Variants in THSD7B observed in about 807,000 individuals in gnomAD.
The protein encoded by THSD7B is thrombospondin type-1 domain-containing protein 7B.
Under a neutral mutation model 213.6 loss-of-function variants are expected in THSD7B, and 138 were observed. The ratio of observed to expected loss-of-function variants is 0.65; its 90% CI spans 0.56 to 0.74. The LOEUF (loss-of-function observed/expected upper bound fraction) is 0.74, where lower values mean the gene tolerates loss of function less well. THSD7B is among the 30% of genes least tolerant of loss of function. The probability of loss-of-function intolerance (pLI) is 0.00; values close to 1 mark genes in which losing one functional copy is unlikely to be tolerated. For synonymous variants in THSD7B, 742 were observed against 687.0 expected, an observed-to-expected ratio of 1.08 and a Z score of -1.25; for missense variants, 1,931 against 1,991.5, an observed-to-expected ratio of 0.97 and a Z score of 0.58.
chr2:137,652,305 C>T (rs149514184), intron 21 of THSD7B, among the ~76,000 whole-genome samples: 1 of 152,108 alleles, frequency 6.6e-6, no homozygotes, highest in Non-Finnish European at 1.5e-5. Context: ...TTAATAGTGA[C>T]CTTCTTTGTC....
chr2:137,036,616 G>T (rs1686780526), intron 2 of THSD7B, among the ~76,000 whole-genome samples: 1 of 152,092 alleles, frequency 6.6e-6, no homozygotes, highest in African/African-American at 2.4e-5. Flanking sequence ...CTCTATTACT[G>T]TACAGTGCCT....
chr2:137,036,869 A>G (rs995979686), intron 2 of THSD7B, among the ~76,000 whole-genome samples: 2 of 152,142 alleles, frequency 1.3e-5, no homozygotes, highest in Non-Finnish European at 2.9e-5. Context: ...GTCTCATTTT[A>G]TTGAGCACAT....
At chr2:137,171,894 A>G (rs1372283315) in intron 7 of THSD7B, among the ~76,000 whole-genome samples, 1 of 151,966 alleles carries the variant, frequency 6.6e-6, no homozygotes, top group Non-Finnish European at 1.5e-5. Context: ...AGATTTTGTC[A>G]GGTGATGTAA....
chr2:137,618,785 C>T (rs1682458713), intron 19 of THSD7B, among the ~76,000 whole-genome samples: 1 of 152,090 alleles, frequency 6.6e-6, no homozygotes, highest in Admixed American at 6.6e-5. Flanking sequence ...TACTTGTTTG[C>T]CAAACTGTTG....
chr2:136,911,997 C>T (rs547488498), intron 2 of THSD7B, among the ~76,000 whole-genome samples: 50 of 151,764 alleles, frequency 3.3e-4, no homozygotes, highest in African/African-American at 1.1e-3. Flanking sequence ...TGTTGGATAG[C>T]GGAATGCAGG....
At chr2:137,308,039 T>A (rs1373283527) in intron 12 of THSD7B, among the ~76,000 whole-genome samples, 2 of 152,038 alleles carry the variant, frequency 1.3e-5, no homozygotes, top group Non-Finnish European at 2.9e-5. Context: ...CCCGATGCTC[T>A]TATCTCATTA....
At chr2:137,563,199 G>C (rs1480847957) in intron 15 of THSD7B, 22 bp from the exon 16 acceptor site, 1 of 1,608,348 alleles carries the variant, frequency 6.2e-7, no homozygotes, top group South Asian at 1.1e-5. Context: ...ACATAATTTT[G>C]TTTCTTTCCT....
intron 2 of THSD7B, among the ~76,000 whole-genome samples, chr2:136,952,850 G>A (rs1401262030): frequency 6.6e-6 from 1 of 152,138 alleles, no homozygotes; most frequent in Non-Finnish European, 1.5e-5. Context: ...CATTAAGATA[G>A]TGGTTTACCT....
chr2:137,364,311 A>C (rs941140624), intron 12 of THSD7B, among the ~76,000 whole-genome samples: 2 of 152,356 alleles, frequency 1.3e-5, no homozygotes, highest in East Asian at 3.9e-4. Context: ...AAAAACTGGA[A>C]GCATTCCCTT....
At chr2:136,950,696 GATT>G (rs1305243715) in intron 2 of THSD7B, among the ~76,000 whole-genome samples, 1 of 152,170 alleles carries the variant, frequency 6.6e-6, no homozygotes, top group African/African-American at 2.4e-5. Flanking sequence ...ATTAAAAAAA[GATT>G]ATTGAGTTGC....
intron 10 of THSD7B, among the ~76,000 whole-genome samples, chr2:137,254,857 G>C (rs2105076702): frequency 6.6e-6 from 1 of 152,110 alleles, no homozygotes; most frequent in South Asian, 2.1e-4. Flanking sequence ...ATACTTAGCA[G>C]TGTGTATGTT....
intron 5 of THSD7B, among the ~76,000 whole-genome samples, chr2:137,150,507 C>G (rs986812084): frequency 6.6e-6 from 1 of 152,146 alleles, no homozygotes; most frequent in Non-Finnish European, 1.5e-5. Flanking sequence ...CCCCCCTACA[C>G]TCTGCACTTC....
At chr2:137,316,525 C>T (rs1684106778) in intron 12 of THSD7B, among the ~76,000 whole-genome samples, 1 of 152,022 alleles carries the variant, frequency 6.6e-6, no homozygotes, top group African/African-American at 2.4e-5. Context: ...CCTGTAATCC[C>T]AGCACTTTGG....
At chr2:136,831,795 A>T (rs1440732946) in intron 1 of THSD7B, among the ~76,000 whole-genome samples, 2 of 152,236 alleles carry the variant, frequency 1.3e-5, no homozygotes, top group Non-Finnish European at 2.9e-5. Context: ...TGGTCTTGGC[A>T]AATGAGCCTA....
At chr2:136,954,731 AAAAG>A (rs1380182040) in intron 2 of THSD7B, among the ~76,000 whole-genome samples, 7 of 150,716 alleles carry the variant, frequency 4.6e-5, no homozygotes, top group South Asian at 4.2e-4. Flanking sequence ...AAAAAAAAAA[AAAAG>A]AAATTACATA....
intron 12 of THSD7B, among the ~76,000 whole-genome samples, chr2:137,318,133 G>C (rs77942334): frequency 9.2e-5 from 14 of 151,992 alleles, no homozygotes; most frequent in Non-Finnish European, 1.3e-4. Context: ...ACCTACTTTC[G>C]CACATAATTG....
At chr2:137,196,824 T>C (rs1680775605) in intron 7 of THSD7B, among the ~76,000 whole-genome samples, 2 of 152,182 alleles carry the variant, frequency 1.3e-5, no homozygotes, top group African/African-American at 4.8e-5. Context: ...ATGCAAATAT[T>C]CAAAAATTTG....
At position 137,231,174 on chromosome 2, in the gene THSD7B, A is replaced by T; in HGVS notation, c.1854A>T (p.Ser618=). ...TEWSSCSQSC[S]NKNSDGKQTR... ...GGTCATCCTGTTCCCAGTCCTGTTC[A>T]AATAAAAACTCAGATGGGAAACAGA... The change falls in exon 8 of 28, where the codon TCA becomes TCT. Residue 618 remains serine (S), a synonymous_variant. Transcript: ENST00000409968. 1 of 1,613,540 alleles carries T rather than the reference A, an allele frequency of 6.2e-7. No individual in the cohort carries two copies. Among genetic ancestry groups the T allele is most frequent in the Non-Finnish European group, 8.5e-7 (1 of 1,179,682 alleles).
intron 10 of THSD7B, among the ~76,000 whole-genome samples, chr2:137,253,157 AGTCTGT>A (rs1682226619): frequency 6.6e-6 from 1 of 152,130 alleles, no homozygotes; most frequent in South Asian, 2.1e-4. Context: ...CAAAATATGC[AGTCTGT>A]GTGTACTTGC....
Sources: gnomAD v4.1 joint callset for allele counts (sites outside exome capture counted in the v4.1 genomes callset) on GRCh38, gnomAD v4.1.1 for gene constraint, MANE v1.5 for transcripts, NCBI Gene and HGNC (gene_info 2026-07-23, HGNC 2026-07-21) for gene names.